KCTD3: variants seen among roughly 807,000 people sequenced by gnomAD.
The protein encoded by KCTD3 is BTB/POZ domain-containing protein KCTD3.
A neutral mutation model predicts 85.8 loss-of-function variants in KCTD3; 41 were observed. The ratio of observed to expected loss-of-function variants is 0.48; its 90% CI spans 0.37 to 0.62. The LOEUF is 0.62. Among genes scored for constraint, KCTD3 ranks in the 20% least tolerant of loss-of-function variants. The probability of loss-of-function intolerance (pLI) is 0.00; values close to 1 mark genes in which losing one functional copy is unlikely to be tolerated. For synonymous variants in KCTD3, 338 were observed against 345.4 expected (o/e 0.98, Z 0.24); for missense variants, 724 against 989.9 (o/e 0.73, Z 3.60).
In KCTD3 at chr1:215,620,396, A is replaced by C. The variant is rs1474084594; in HGVS notation, c.2226A>C (p.Ser742=). The C allele has an allele frequency of 6.2e-7, 1 of 1,613,110 alleles. No individual in the cohort carries two copies. The highest frequency in any genetic ancestry group is 1.1e-5 in the South Asian group (1 of 90,912). ...GTTTTTCAGAATCCAAGAAAAGGTC[A>C]TCAGAAGATGAAAATGAAAATAAAA... ...AEGFSESKKR[S]SEDENENKIE... Residue 742 remains serine (S), a synonymous_variant, in exon 18 of 18, where the codon TCA becomes TCC. Transcript: ENST00000259154.
chr1:215,576,293 G>A (rs147593861), intron 4 of KCTD3, among the ~76,000 whole-genome samples: 8 of 151,688 alleles, frequency 5.3e-5, no homozygotes, highest in Non-Finnish European at 7.4e-5. Context: ...GATTGCAAAC[G>A]CCTGAGCTCA....
In KCTD3 at chr1:215,578,895, C is replaced by T. The variant is rs185202717; in HGVS notation, c.398-105C>T. 350 of 630,526 alleles carry T rather than the reference C, an allele frequency of 5.6e-4. 1 individual carries two copies. Among genetic ancestry groups the T allele is most frequent in the Non-Finnish European group, 8.2e-4 (313 of 382,046 alleles). The allele number at this position is 630,526 out of a possible 1,614,324, so 39.1% of individuals were successfully genotyped here. A position where few individuals can be genotyped will look rare whatever the true frequency, so the allele number is the denominator to read the frequency against. ...ATTTGCTATATTGGAAGATGTATTT[C>T]GGCTTTAATGAAATTCACATTTTTG... is the stretch of plus-strand genomic sequence containing the variant. On this transcript the variant is annotated intron_variant, in intron 6 of 17. Coordinates refer to ENST00000259154, the MANE Select transcript of KCTD3 (RefSeq NM_016121.5).
At chr1:215,590,478 T>G (rs1285999518) in intron 9 of KCTD3, among the ~76,000 whole-genome samples, 1 of 152,190 alleles carries the variant, frequency 6.6e-6, no homozygotes, top group Admixed American at 6.5e-5. Flanking sequence ...TTCCTCCTTT[T>G]GAGCTTTCTA....
intron 8 of KCTD3, among the ~76,000 whole-genome samples, chr1:215,584,681 C>T (rs916031513): frequency 6.6e-6 from 1 of 152,156 alleles, no homozygotes; most frequent in Non-Finnish European, 1.5e-5. Context: ...GGGCTTTTAT[C>T]AGCTCTATGA....
At chr1:215,618,846 G>T in intron 15 of KCTD3, 40 bp from the exon 16 acceptor site, 3 of 1,415,434 alleles carry the variant, frequency 2.1e-6, no homozygotes, top group Non-Finnish European at 1.9e-6. Flanking sequence ...TTAAATAATT[G>T]CTCATTCCCA....
chr1:215,575,839 C>T (rs549590573), intron 3 of KCTD3, 62 bp from the exon 4 acceptor site: 1 of 890,042 alleles, frequency 1.1e-6, no homozygotes, highest in South Asian at 1.6e-5. Flanking sequence ...ATTAGTGTTA[C>T]AGATATTAAA....
rs764258287 is a variant in KCTD3 at position 215,586,483 on chromosome 1, C to A, written c.627-12C>A. The A allele has an allele frequency of 3.5e-5, 56 of 1,597,426 alleles. No homozygotes were observed. Among genetic ancestry groups the A allele is most frequent in the Non-Finnish European group, 1.2e-5 (14 of 1,170,124 alleles). On this transcript the variant is annotated splice_polypyrimidine_tract_variant and intron_variant, in intron 8 of 17. Transcript: ENST00000259154. ...GCTGAGTCTACCTTATGTGCCTGTT[C>A]TTCCTTAACAGAATCAAAGAATCTT...
rs1032407570 is a variant in KCTD3, at chr1:215,621,503, G to A, written c.*885G>A. 6.6e-6 allele frequency: 1 copy of A among 152,060 alleles called. No individual in the cohort carries two copies. The highest frequency in any genetic ancestry group is 1.5e-5 in the Non-Finnish European group (1 of 67,964). 9.4% of individuals were successfully genotyped at this position (152,060 alleles called of 1,614,324 possible). ...GTAGGACTGCAGTTCTGAATTTTGG[G>A]TTAAAGGTTTTGGCTGCTGTAAGAA... On this transcript the variant is annotated 3_prime_UTR_variant, in exon 18 of 18. Transcript: ENST00000259154.
intron 14 of KCTD3, 69 bp downstream of exon 14, chr1:215,608,241 T>G: frequency 1.0e-6 from 1 of 982,352 alleles, no homozygotes; most frequent in Non-Finnish European, 1.4e-6. Flanking sequence ...TATCAACTAA[T>G]AAAACCACAA....
chr1:215,606,779 G>A (rs1441836780), intron 13 of KCTD3, among the ~76,000 whole-genome samples: 2 of 151,938 alleles, frequency 1.3e-5, no homozygotes, highest in African/African-American at 2.4e-5. Context: ...CCACCTGGTG[G>A]ATATTAACAC....
At position 215,567,575 on chromosome 1, in the gene KCTD3, G is replaced by C; in HGVS notation, c.-111G>C. ...CCCGTGCACCCCCCGCCCTCCGGCCGCCGCCGCCCCGCTGGCCCTGCAGCC... is the reference window on the plus strand; with the variant it reads ...CCCGTGCACCCCCCGCCCTCCGGCCCCCGCCGCCCCGCTGGCCCTGCAGCC... On this transcript the variant is annotated 5_prime_UTR_variant, in exon 1 of 18. Transcript: ENST00000259154. 7.8e-6 allele frequency: 4 copies of C among 515,682 alleles called. No individual in the cohort carries two copies. The highest frequency in any genetic ancestry group is 5.6e-6 in the Non-Finnish European group (2 of 358,854). The allele number at this position is 515,682 out of a possible 1,614,324, so 31.9% of individuals were successfully genotyped here.
chr1:215,597,237 A>G (rs192470125), intron 10 of KCTD3, among the ~76,000 whole-genome samples: 338 of 152,140 alleles, frequency 2.2e-3, no homozygotes, highest in Admixed American at 5.4e-3. Context: ...AGTAAAAAAA[A>G]AAAAAAAGAA....
At chr1:215,573,419 A>G (rs1488906153) in intron 1 of KCTD3, among the ~76,000 whole-genome samples, 1 of 152,164 alleles carries the variant, frequency 6.6e-6, no homozygotes, top group Non-Finnish European at 1.5e-5. Context: ...GAAAACCAGC[A>G]TTTGTACTGG....
intron 5 of KCTD3, 130 bp downstream of exon 5, chr1:215,577,858 A>G (rs759506092): frequency 1.1e-5 from 15 of 1,371,084 alleles, no homozygotes; most frequent in Non-Finnish European, 1.2e-5. Flanking sequence ...GTGGATTTTC[A>G]TAGTAAAAAG....
Position 215,609,772 on chromosome 1 carries a change from T to C in KCTD3, c.1465+1600T>C, listed in dbSNP as rs528471474. 2.0e-5 allele frequency among the ~76,000 whole-genome samples: 3 copies of C among 152,070 alleles called. No homozygotes were observed. The East Asian group carries it at 5.8e-4, about 29-fold the overall frequency. On this transcript the variant is annotated intron_variant, in intron 14 of 17. Transcript: ENST00000259154. ...AAAGAAATATAGGAAGAAGAACTTA[T>C]TTTGAAAACAAAGATGAATTCAGAC...
intron 14 of KCTD3, among the ~76,000 whole-genome samples, chr1:215,609,691 T>G (rs962631074): frequency 2.6e-5 from 4 of 151,952 alleles, no homozygotes; most frequent in Admixed American, 2.6e-4. Context: ...GGAAGGAGTC[T>G]AAAGTGACCC....
At chr1:215,591,431 G>C (rs1377466158) in intron 9 of KCTD3, among the ~76,000 whole-genome samples, 1 of 151,724 alleles carries the variant, frequency 6.6e-6, no homozygotes, top group South Asian at 2.1e-4. Flanking sequence ...GATCATGGCT[G>C]ACTGCAACCT....
At chr1:215,615,347 G>C (rs1424933767) in intron 15 of KCTD3, among the ~76,000 whole-genome samples, 1 of 152,128 alleles carries the variant, frequency 6.6e-6, no homozygotes, top group Non-Finnish European at 1.5e-5. Context: ...CCGGCCGGGC[G>C]TGGTGGCTCA....
intron 4 of KCTD3, among the ~76,000 whole-genome samples, chr1:215,576,817 C>A (rs1659603864): frequency 6.6e-6 from 1 of 152,184 alleles, no homozygotes; most frequent in South Asian, 2.1e-4. Flanking sequence ...ATCCACCCGC[C>A]TTGGCCTCCC....
Sources: allele counts gnomAD v4.1 joint callset (sites outside exome capture counted in the v4.1 genomes callset), GRCh38; gene constraint gnomAD v4.1.1; transcripts MANE v1.5; gene names NCBI Gene and HGNC (gene_info 2026-07-23, HGNC 2026-07-21).